The following SYTL2 variants were observed in gnomAD, a reference collection of about 807,000 sequenced individuals.
The protein encoded by SYTL2 is synaptotagmin like 2, also known as synaptotagmin-like protein 2.
In SYTL2, 165 loss-of-function variants were observed where a neutral mutation model predicts 198.7. That is an observed-to-expected ratio of 0.83 (90% CI 0.73 to 0.94). The LOEUF (loss-of-function observed/expected upper bound fraction) is 0.94, where lower values mean the gene tolerates loss of function less well. SYTL2 is among the 40% of genes least tolerant of loss of function. The probability of loss-of-function intolerance (pLI) is 0.00; values close to 1 mark genes in which losing one functional copy is unlikely to be tolerated. For synonymous variants in SYTL2, 966 were observed against 917.7 expected (o/e 1.05, Z -0.95); for missense variants, 2,835 against 2,582.8 (o/e 1.10, Z -2.12).
At position 85,734,300 on chromosome 11, in the gene SYTL2, T is replaced by C. The variant is rs889685808; in HGVS notation, c.1029A>G (p.Pro343=). The C allele has an allele frequency of 1.9e-6, 3 of 1,614,066 alleles. No individual in the cohort carries two copies. The highest frequency in any genetic ancestry group is 2.7e-5 in the African/African-American group (2 of 74,936). Residue 343 remains proline, a synonymous_variant, in exon 7 of 20, where the codon CCA becomes CCG. Transcript: ENST00000359152. ...GACCATGGATTAGCCCAGGACTCTG[T>C]GGAAGCTCATCCTTCACTGCAGAGA... is the stretch of plus-strand genomic sequence containing the variant. The part of the protein sequence containing the change: ...VRFSAVKDEL[P]QSPGLIHGRE...
Position 85,724,690 on chromosome 11 carries a change from AGCCTCG to A in SYTL2, c.4662_4667del (p.Glu1555_Ala1556del), listed in dbSNP as rs1565921307. ...CAAAAGCACTCTCAGTTATTAACGG[AGCCTCG>A]GCCTTTTCTACTGTTTCTTTTAATT... is the stretch of plus-strand genomic sequence containing the variant. On this transcript the variant is annotated inframe_deletion, in exon 8 of 20. Transcript: ENST00000359152. 6.2e-7 allele frequency: 1 copy of A among 1,613,958 alleles called. No individual in the cohort carries two copies. Among genetic ancestry groups the A allele is most frequent in the African/African-American group, 1.3e-5 (1 of 75,010 alleles).
At chr11:85,742,461 C>T (rs187000828) in intron 4 of SYTL2, among the ~76,000 whole-genome samples, 1 of 152,268 alleles carries the variant, frequency 6.6e-6, no homozygotes, top group Non-Finnish European at 1.5e-5. Flanking sequence ...TTACTGTGTA[C>T]ATATTCAAGA....
intron 16 of SYTL2, among the ~76,000 whole-genome samples, chr11:85,704,159 G>T (rs543436470): frequency 1.3e-3 from 192 of 151,984 alleles, no homozygotes; most frequent in Middle Eastern, 6.9e-3. Flanking sequence ...AAATATATCT[G>T]AACTATAAGA....
At chr11:85,737,726 G>C in intron 4 of SYTL2, 70 bp from the exon 5 acceptor site, 1 of 1,319,740 alleles carries the variant, frequency 7.6e-7, no homozygotes, top group Non-Finnish European at 1.1e-6. Context: ...TGCCTCTGAA[G>C]TGGAAAGCTA....
chr11:85,841,429 T>C, the SYTL2 span, among the ~76,000 whole-genome samples: 1 of 152,160 alleles, frequency 6.6e-6, no homozygotes, highest in African/African-American at 2.4e-5. Context: ...TAAATTACCA[T>C]CAATGGTAGA....
chr11:85,725,884 T>A lies in SYTL2; in HGVS notation c.3474A>T (p.Lys1158Asn), dbSNP rs759533662. 2 of 1,613,784 alleles carry A rather than the reference T, an allele frequency of 1.2e-6. No individual in the cohort carries two copies. The highest frequency in any genetic ancestry group is 2.2e-5 in the South Asian group (2 of 90,900). Residue 1158 changes from lysine (K) to asparagine (N), a missense_variant, in exon 8 of 20, where the codon AAA (lysine) becomes AAT (asparagine). This residue lies in a region of SYTL2 where 2,645 missense variants were observed against 2,381.7 expected (regional missense o/e 1.11). Coordinates refer to ENST00000359152, the MANE Select transcript of SYTL2 (RefSeq NM_206927.4). Reference protein sequence around the residue: ...IQPSGGKVHGKQVLEPSVSEN... With the variant: ...IQPSGGKVHGNQVLEPSVSEN... ...CAGAAACACTTGGTTCAAGCACTTGTTTTCCATGAACTTTTCCACCAGAGG... is the reference window on the plus strand; with the variant it reads ...CAGAAACACTTGGTTCAAGCACTTGATTTCCATGAACTTTTCCACCAGAGG...
chr11:85,777,374 C>T (rs2092469149), intron 1 of SYTL2, among the ~76,000 whole-genome samples: 1 of 152,134 alleles, frequency 6.6e-6, no homozygotes, highest in South Asian at 2.1e-4. Context: ...GCTAATTGGC[C>T]TTTTAGTCAA....
At position 85,700,657 on chromosome 11, in the gene SYTL2, T is replaced by A. The variant is rs112759753; in HGVS notation, c.6190-64A>T. 234 of 1,217,054 alleles carry A rather than the reference T, an allele frequency of 1.9e-4. 1 individual carries two copies. In the African/African-American group the frequency reaches 2.4e-3, roughly 12 times the overall value. 75.4% of individuals were successfully genotyped at this position (1,217,054 alleles called of 1,614,324 possible). A position where few individuals can be genotyped will look rare whatever the true frequency, so the allele number is the denominator to read the frequency against. On this transcript the variant is annotated intron_variant, in intron 16 of 19. Transcript: ENST00000359152. ...TTTTCATCCTGTTTGTTGGTATAGG[T>A]CTCATTACAGAACCATATCTGTCCC...
chr11:85,819,823 T>C, the SYTL2 span, among the ~76,000 whole-genome samples: 1 of 152,240 alleles, frequency 6.6e-6, no homozygotes, highest in Admixed American at 6.5e-5. Context: ...GCTTTGTGCA[T>C]TCTTGTATTT....
At chr11:85,775,534 G>A (rs1016189427) in intron 1 of SYTL2, among the ~76,000 whole-genome samples, 4 of 152,090 alleles carry the variant, frequency 2.6e-5, no homozygotes, top group African/African-American at 9.7e-5. Context: ...CCAGGCTAGA[G>A]TACAGTGGCG....
upstream of SYTL2, among the ~76,000 whole-genome samples, chr11:85,813,312 A>G (rs2093057289): frequency 6.7e-6 from 1 of 149,054 alleles, no homozygotes; most frequent in Admixed American, 6.6e-5. Context: ...CAGTTTGCTC[A>G]TTTGTTAGAG....
the SYTL2 span, among the ~76,000 whole-genome samples, chr11:85,832,683 A>C: frequency 6.6e-6 from 1 of 152,078 alleles, no homozygotes; most frequent in Non-Finnish European, 1.5e-5. Flanking sequence ...GAGACCAGAC[A>C]AATGAGTTGG....
chr11:85,792,987 C>T (rs1402160062), intron 1 of SYTL2, among the ~76,000 whole-genome samples: 17 of 151,808 alleles, frequency 1.1e-4, no homozygotes, highest in Non-Finnish European at 2.4e-4. Context: ...CATAGTATTC[C>T]ATGGTGTATA....
In SYTL2 at chr11:85,727,730, C is replaced by T. The variant is rs777409349; in HGVS notation, c.1628G>A (p.Arg543Gln). Reference sequence around the variant, plus strand: ...TGTTTTTTCTTTGGACTCTATTCCTCGGGGATGTTGGAGGAATGACTTATT... The same window carrying T: ...TGTTTTTTCTTTGGACTCTATTCCTTGGGGATGTTGGAGGAATGACTTATT... ...DDNKSFLQHP[R>Q]GIESKEKTDS... The change falls in exon 8 of 20, where the codon CGA (arginine) becomes CAA (glutamine). Residue 543 changes from arginine (R) to glutamine (Q), a missense_variant. Around this residue, in one of 3 missense-constraint regions of SYTL2, gnomAD observed 2,645 missense variants for 2,381.7 expected, o/e 1.11. Coordinates refer to ENST00000359152, the MANE Select transcript of SYTL2 (RefSeq NM_206927.4). 5.2e-5 allele frequency: 80 copies of T among 1,551,038 alleles called. No homozygotes were observed. In the African/African-American group the frequency reaches 5.3e-4, roughly 10 times the overall value.
chr11:85,791,291 A>T (rs1404082171), intron 1 of SYTL2, among the ~76,000 whole-genome samples: 1 of 152,156 alleles, frequency 6.6e-6, no homozygotes, highest in Non-Finnish European at 1.5e-5. Flanking sequence ...AAAAATATAC[A>T]AAATTCCACA....
At position 85,724,651 on chromosome 11, in the gene SYTL2, C is replaced by T; in HGVS notation, c.4707G>A (p.Glu1569=). The T allele has an allele frequency of 6.2e-7, 1 of 1,613,602 alleles. No homozygotes were observed. Among genetic ancestry groups the T allele is most frequent in the Non-Finnish European group, 8.5e-7 (1 of 1,179,880 alleles). The change falls in exon 8 of 20, where the codon GAG becomes GAA. Residue 1569 remains glutamate (E), a synonymous_variant. Coordinates refer to ENST00000359152, the MANE Select transcript of SYTL2 (RefSeq NM_206927.4). The part of the protein sequence containing the change: ...ITESAFDAGF[E]KLLKEITEAP... ...CTTCAGTTATTTCTTTAAGAAGTTT[C>T]TCAAAACCAGCATCAAAAGCACTCT... is the stretch of plus-strand genomic sequence containing the variant.
intron 1 of SYTL2, among the ~76,000 whole-genome samples, chr11:85,806,610 T>C (rs2092961866): frequency 6.6e-6 from 1 of 152,210 alleles, no homozygotes; most frequent in South Asian, 2.1e-4. Flanking sequence ...CTCTCAATGA[T>C]CTGTGGATCA....
At chr11:85,716,868 T>C (rs767096982) in intron 11 of SYTL2, among the ~76,000 whole-genome samples, 72 of 152,312 alleles carry the variant, frequency 4.7e-4, no homozygotes, top group Non-Finnish European at 1.0e-4. Flanking sequence ...TGCTTGATGA[T>C]AGACATTAAT....
intron 4 of SYTL2, among the ~76,000 whole-genome samples, chr11:85,741,791 A>G (rs1423989251): frequency 6.6e-6 from 1 of 152,188 alleles, no homozygotes; most frequent in African/African-American, 2.4e-5. Context: ...GAAAACTAAG[A>G]GCTAAAGATG....
Sources: gnomAD v4.1 joint callset for allele counts (sites outside exome capture counted in the v4.1 genomes callset) on GRCh38, gnomAD v4.1.1 for gene constraint, gnomAD v4.1.1 regional missense constraint, MANE v1.5 for transcripts, NCBI Gene and HGNC (gene_info 2026-07-23, HGNC 2026-07-21) for gene names.